PLCB1: variants seen among roughly 807,000 people sequenced by gnomAD.
PLCB1 encodes the protein 1-phosphatidylinositol 4,5-bisphosphate phosphodiesterase beta-1.
PLCB1 carries 46 observed loss-of-function variants against 161.8 expected under a neutral mutation model. That is an observed-to-expected ratio of 0.28 (90% CI 0.22 to 0.36). The LOEUF is 0.36. Ranked by LOEUF, PLCB1 falls within the 10% of genes least tolerant of loss-of-function variation. The pLI, the probability that PLCB1 is intolerant of heterozygous loss-of-function variation, is 1.00. For missense variants in PLCB1, 1,016 were observed against 1,472.5 expected (o/e 0.69, Z 5.07); for synonymous variants, 517 against 503.7 (o/e 1.03, Z -0.35).
chr20:8,621,643 G>A (rs1157563290), intron 3 of PLCB1, among the ~76,000 whole-genome samples: 1 of 152,086 alleles, frequency 6.6e-6, no homozygotes, highest in Non-Finnish European at 1.5e-5. Flanking sequence ...CGCTAAACAA[G>A]GTAACTTGAA....
chr20:8,295,025 C>T (rs564241231), intron 2 of PLCB1, among the ~76,000 whole-genome samples: 122 of 152,152 alleles, frequency 8.0e-4, no homozygotes, highest in African/African-American at 2.7e-3. Flanking sequence ...CAAAAGACTA[C>T]GTGCAGTATG....
chr20:8,551,351 G>A (rs538492619), intron 3 of PLCB1, among the ~76,000 whole-genome samples: 153 of 152,132 alleles, frequency 1.0e-3, no homozygotes, highest in Non-Finnish European at 1.3e-3. Context: ...ATAAGAAATG[G>A]TTTTTATGTA....
intron 3 of PLCB1, among the ~76,000 whole-genome samples, chr20:8,548,102 C>T (rs1290844517): frequency 6.7e-6 from 1 of 150,308 alleles, no homozygotes; most frequent in African/African-American, 2.5e-5. Context: ...TTCTTCCTCC[C>T]TTCCCTTCTT....
At chr20:8,174,435 T>C (rs2051762332) in intron 2 of PLCB1, among the ~76,000 whole-genome samples, 1 of 152,152 alleles carries the variant, frequency 6.6e-6, no homozygotes, top group Non-Finnish European at 1.5e-5. Flanking sequence ...AATTTGTAAG[T>C]AGCAGACCCA....
chr20:8,684,451 G>C (rs533590955), intron 9 of PLCB1, among the ~76,000 whole-genome samples: 1 of 150,168 alleles, frequency 6.7e-6, no homozygotes, highest in Non-Finnish European at 1.5e-5. Flanking sequence ...AGGAGACTTC[G>C]CCATATTGGC....
chr20:8,562,977 G>A (rs1393455124), intron 3 of PLCB1, among the ~76,000 whole-genome samples: 1 of 151,922 alleles, frequency 6.6e-6, no homozygotes, highest in East Asian at 1.9e-4. Flanking sequence ...GGCCATTAAT[G>A]TCATTACCTC....
chr20:8,246,995 G>A (rs922439702), intron 2 of PLCB1, among the ~76,000 whole-genome samples: 1 of 151,920 alleles, frequency 6.6e-6, no homozygotes, highest in African/African-American at 2.4e-5. Flanking sequence ...CAGCAGGTCT[G>A]TTTGGCTAGA....
chr20:8,354,101 T>G (rs1435500702), intron 2 of PLCB1, among the ~76,000 whole-genome samples: 1 of 151,978 alleles, frequency 6.6e-6, no homozygotes, highest in Admixed American at 6.6e-5. Context: ...GGAGAGTTAT[T>G]GCTTAACATG....
intron 12 of PLCB1, among the ~76,000 whole-genome samples, chr20:8,710,366 T>C (rs939608809): frequency 2.0e-5 from 3 of 152,002 alleles, no homozygotes; most frequent in Non-Finnish European, 4.4e-5. Flanking sequence ...CATGATCCAA[T>C]CACCTCCCAC....
rs764276275 is a variant in PLCB1, at chr20:8,789,613, T to C, written c.3336+38T>C. ...ATCACGCTCTCTCCTTTGCAAAACA[T>C]GTGTGAACATTTGGTGAGCTCGCTG... On this transcript the variant is annotated intron_variant, in intron 30 of 31. Transcript: ENST00000338037. The C allele has an allele frequency of 3.9e-5, 58 of 1,472,384 alleles. 1 individual carries two copies. In the Middle Eastern group the frequency reaches 1.0e-3, roughly 26 times the overall value. 91.2% of individuals were successfully genotyped at this position (1,472,384 alleles called of 1,614,324 possible).
At chr20:8,482,051 A>G (rs950142694) in intron 3 of PLCB1, among the ~76,000 whole-genome samples, 4 of 149,114 alleles carry the variant, frequency 2.7e-5, no homozygotes, top group African/African-American at 1.0e-4. Context: ...TTAATAAAAC[A>G]TATGTTTCTC....
intron 2 of PLCB1, among the ~76,000 whole-genome samples, chr20:8,284,419 G>A (rs1438982168): frequency 6.6e-6 from 1 of 152,062 alleles, no homozygotes; most frequent in Non-Finnish European, 1.5e-5. Flanking sequence ...TAACGTGTAA[G>A]AGTGGCCTGA....
At chr20:8,587,074 C>T (rs1170513688) in intron 3 of PLCB1, among the ~76,000 whole-genome samples, 4 of 151,920 alleles carry the variant, frequency 2.6e-5, no homozygotes, top group Non-Finnish European at 4.4e-5. Context: ...GTACTTTTAC[C>T]CACCATAAAT....
intron 31 of PLCB1, among the ~76,000 whole-genome samples, chr20:8,840,075 G>T (rs941878126): frequency 2.0e-5 from 3 of 151,434 alleles, no homozygotes; most frequent in African/African-American, 7.3e-5. Context: ...AACCTAATCA[G>T]GGCTGATTTA....
intron 3 of PLCB1, among the ~76,000 whole-genome samples, chr20:8,495,709 T>C (rs1004349739): frequency 3.3e-5 from 5 of 152,102 alleles, no homozygotes; most frequent in African/African-American, 7.2e-5. Context: ...TTTACCTTCC[T>C]TACTTAACCA....
intron 2 of PLCB1, among the ~76,000 whole-genome samples, chr20:8,295,575 A>AAAAT (rs906747087): frequency 3.3e-5 from 5 of 152,150 alleles, no homozygotes; most frequent in Non-Finnish European, 7.4e-5. Context: ...AGAATTAATC[A>AAAAT]AAATAAATAA....
At chr20:8,554,359 T>C (rs1985878265) in intron 3 of PLCB1, among the ~76,000 whole-genome samples, 1 of 152,080 alleles carries the variant, frequency 6.6e-6, no homozygotes, top group African/African-American at 2.4e-5. Context: ...AACCCAAATT[T>C]CCACCAACTG....
chr20:8,436,313 G>T (rs1980302101), intron 3 of PLCB1, among the ~76,000 whole-genome samples: 1 of 138,996 alleles, frequency 7.2e-6, no homozygotes, highest in Admixed American at 7.7e-5. Flanking sequence ...CTGGGTGACA[G>T]AGTGAGACCC....
chr20:8,630,249 G>C (rs1988545217), intron 4 of PLCB1, among the ~76,000 whole-genome samples: 1 of 151,790 alleles, frequency 6.6e-6, no homozygotes, highest in African/African-American at 2.4e-5. Flanking sequence ...ACCATGCCCA[G>C]CTAATTTTTG....
Sources: allele counts gnomAD v4.1 joint callset (sites outside exome capture counted in the v4.1 genomes callset), GRCh38; gene constraint gnomAD v4.1.1; transcripts MANE v1.5; gene names NCBI Gene and HGNC (gene_info 2026-07-23, HGNC 2026-07-21).